Variants in ZNF827 observed in about 807,000 individuals in gnomAD.
ZNF827 encodes the protein zinc finger protein 827.
In ZNF827, 13 loss-of-function variants were observed where a neutral mutation model predicts 102.4. That is an observed-to-expected ratio of 0.13 (90% confidence interval 0.08 to 0.20). The LOEUF (loss-of-function observed/expected upper bound fraction) is 0.20. ZNF827 is among the 10% of genes least tolerant of loss of function. ZNF827 has a pLI of 1.00. For missense variants in ZNF827, 1,103 were observed against 1,344.4 expected, an observed-to-expected ratio of 0.82 and a Z score of 2.81; for synonymous variants, 523 against 536.2, an observed-to-expected ratio of 0.98 and a Z score of 0.34.
intron 8 of ZNF827, among the ~76,000 whole-genome samples, chr4:145,800,933 G>A (rs542992744): frequency 6.6e-6 from 1 of 152,312 alleles, no homozygotes; most frequent in South Asian, 2.1e-4. Flanking sequence ...AGGGATACAG[G>A]CAGGTAGGTC....
chr4:145,915,066 G>A (rs965664560), intron 1 of ZNF827, among the ~76,000 whole-genome samples: 1 of 152,224 alleles, frequency 6.6e-6, no homozygotes, highest in South Asian at 2.1e-4. Context: ...CACGTAGTGC[G>A]TGTCTTCTTG....
intron 4 of ZNF827, among the ~76,000 whole-genome samples, chr4:145,885,064 C>A (rs1749992085): frequency 6.6e-6 from 1 of 151,800 alleles, no homozygotes; most frequent in Admixed American, 6.6e-5. Context: ...TACTTAATGT[C>A]ATTGAACTGT....
At chr4:145,918,563 T>C (rs1752849822) in intron 1 of ZNF827, among the ~76,000 whole-genome samples, 1 of 152,014 alleles carries the variant, frequency 6.6e-6, no homozygotes, top group Admixed American at 6.6e-5. Flanking sequence ...ATCATCTTTT[T>C]AATCCAGCCA....
Position 145,910,204 on chromosome 4 carries a change from A to G in ZNF827, c.44-6989T>C, listed in dbSNP as rs1017981982. On this transcript the variant is annotated intron_variant, in intron 1 of 14. Coordinates refer to ENST00000508784, the MANE Select transcript of ZNF827 (RefSeq NM_001306215.2). ...TGGCACACAGCAACATTTTCAAATC[A>G]TTATTCTAAATGACCGTGAGTAAAA... 2.0e-5 allele frequency among the ~76,000 whole-genome samples: 3 copies of G among 152,144 alleles called. No homozygotes were observed. In the South Asian group the frequency reaches 6.2e-4, roughly 32 times the overall value.
chr4:145,893,460 T>G (rs1211400170), intron 2 of ZNF827, among the ~76,000 whole-genome samples: 1 of 152,216 alleles, frequency 6.6e-6, no homozygotes, highest in Admixed American at 6.5e-5. Context: ...AAAAATGAGC[T>G]AGATCTACAG....
rs1231865056 is a variant in ZNF827 at position 145,759,614 on chromosome 4, G to A, written c.*2002C>T. ...TTGTTGCGTCATTATATGTCAAAGA[G>A]GTTGTGGCTAAATCTTCAAACATAC... On this transcript the variant is annotated 3_prime_UTR_variant, in exon 15 of 15. Coordinates refer to ENST00000508784, the MANE Select transcript of ZNF827 (RefSeq NM_001306215.2). 6.6e-6 allele frequency: 1 copy of A among 152,044 alleles called. No homozygotes were observed. The highest frequency in any genetic ancestry group is 2.4e-5 in the African/African-American group (1 of 41,380). 9.4% of individuals were successfully genotyped at this position (152,044 alleles called of 1,614,324 possible).
At position 145,845,952 on chromosome 4, in the gene ZNF827, C is replaced by A; in HGVS notation, c.2279+4G>T. ...TCTGGAGGAACCCACACAAAGTCGC[C>A]TACCTGGTCGTGGTCCGGATGGTGT... On this transcript the variant is annotated splice_donor_region_variant and intron_variant, in intron 7 of 14. Coordinates refer to ENST00000508784, the MANE Select transcript of ZNF827 (RefSeq NM_001306215.2). 1.2e-6 allele frequency: 2 copies of A among 1,614,206 alleles called. No individual in the cohort carries two copies. The highest frequency in any genetic ancestry group is 1.7e-6 in the Non-Finnish European group (2 of 1,180,036).
At chr4:145,855,872 G>T (rs1041834816) in intron 5 of ZNF827, among the ~76,000 whole-genome samples, 1 of 152,072 alleles carries the variant, frequency 6.6e-6, no homozygotes, top group African/African-American at 2.4e-5. Flanking sequence ...CTCCATCCTT[G>T]TTATGAGAAT....
chr4:145,809,015 G>A (rs1280420564), intron 8 of ZNF827, among the ~76,000 whole-genome samples: 1 of 151,876 alleles, frequency 6.6e-6, no homozygotes, highest in East Asian at 1.9e-4. Flanking sequence ...TGCCCAGGCT[G>A]GTCTTGAACT....
intron 8 of ZNF827, among the ~76,000 whole-genome samples, chr4:145,822,240 T>G (rs761569595): frequency 6.6e-6 from 1 of 152,226 alleles, no homozygotes; most frequent in Non-Finnish European, 1.5e-5. Flanking sequence ...CTAAAAAGCA[T>G]GCAGGTATCT....
At chr4:145,784,798 T>C (rs539982500) in intron 8 of ZNF827, among the ~76,000 whole-genome samples, 2 of 152,348 alleles carry the variant, frequency 1.3e-5, no homozygotes, top group South Asian at 2.1e-4. Flanking sequence ...ATAGCTTGAA[T>C]GTATACTTAA....
chr4:145,886,188 C>T (rs772300041), intron 3 of ZNF827, 30 bp from the exon 4 acceptor site: 3 of 1,553,558 alleles, frequency 1.9e-6, no homozygotes, highest in Non-Finnish European at 2.6e-6. Flanking sequence ...AATGAGCTAG[C>T]CACCGTGCAT....
intron 2 of ZNF827, among the ~76,000 whole-genome samples, chr4:145,892,617 T>C (rs1032052939): frequency 2.6e-5 from 4 of 152,242 alleles, no homozygotes; most frequent in Non-Finnish European, 5.9e-5. Context: ...GTTACTTCCA[T>C]CTGGGCTCCA....
chr4:145,872,885 A>G (rs1261791202), intron 4 of ZNF827, among the ~76,000 whole-genome samples: 1 of 151,902 alleles, frequency 6.6e-6, no homozygotes, highest in Non-Finnish European at 1.5e-5. Flanking sequence ...AAAAAAACAA[A>G]AACAAAAACA....
At chr4:145,783,366 G>A (rs1738380523) in intron 8 of ZNF827, among the ~76,000 whole-genome samples, 1 of 152,230 alleles carries the variant, frequency 6.6e-6, no homozygotes, top group South Asian at 2.1e-4. Flanking sequence ...GGCCAATTCA[G>A]AATGAAAAAT....
At chr4:145,913,397 G>A (rs1049761609) in intron 1 of ZNF827, among the ~76,000 whole-genome samples, 4 of 130,548 alleles carry the variant, frequency 3.1e-5, no homozygotes, top group African/African-American at 1.2e-4. Flanking sequence ...CTGCATTCCA[G>A]CCTGGGCAAC....
Position 145,856,620 on chromosome 4 carries a change from T to C in ZNF827, c.1982-7059A>G, listed in dbSNP as rs370411867. On this transcript the variant is annotated intron_variant, in intron 5 of 14. Coordinates refer to ENST00000508784, the MANE Select transcript of ZNF827 (RefSeq NM_001306215.2). ...TTTTCCTTTAGTTATCCTCAATATA[T>C]AAGAAACTTCAAGAATGGTAGCTTT... Among the ~76,000 whole-genome samples the C allele has an allele frequency of 2.6e-5, 4 of 152,092 alleles. No individual in the cohort carries two copies. In the East Asian group the frequency reaches 5.8e-4, roughly 22 times the overall value.
In ZNF827 at chr4:145,887,441, A is replaced by C. The variant is rs561843658; in HGVS notation, c.1267-1283T>G. Among the ~76,000 whole-genome samples the C allele has an allele frequency of 5.3e-5, 8 of 152,372 alleles. No homozygotes were observed. In the East Asian group the frequency reaches 1.3e-3, roughly 26 times the overall value. ...AGTGACCAACAAAAGCAAAGAAATT[A>C]AAAGTTAATGGTGAGATCCTGTCGC... is the stretch of plus-strand genomic sequence containing the variant. On this transcript the variant is annotated intron_variant, in intron 3 of 14. Coordinates refer to ENST00000508784, the MANE Select transcript of ZNF827 (RefSeq NM_001306215.2).
rs148435816 is a variant in ZNF827, at chr4:145,769,896, C to A, written c.2861-4158G>T. Reference sequence around the variant, plus strand: ...TGAAACCATAAAAAAAATTACCAATCATCTTGCTTCCTCAATACAGACACT... The same window carrying A: ...TGAAACCATAAAAAAAATTACCAATAATCTTGCTTCCTCAATACAGACACT... On this transcript the variant is annotated intron_variant, in intron 11 of 14. Coordinates refer to ENST00000508784, the MANE Select transcript of ZNF827 (RefSeq NM_001306215.2). 1.8e-4 allele frequency among the ~76,000 whole-genome samples: 28 copies of A among 152,352 alleles called. No homozygotes were observed. The East Asian group carries it at 5.0e-3, about 27-fold the overall frequency.
Sources: allele counts gnomAD v4.1 joint callset (sites outside exome capture counted in the v4.1 genomes callset), GRCh38; gene constraint gnomAD v4.1.1; transcripts MANE v1.5; gene names NCBI Gene and HGNC (gene_info 2026-07-23, HGNC 2026-07-21).